Variants in DPP6 observed in about 807,000 individuals in gnomAD.
The protein encoded by DPP6 is dipeptidyl peptidase like 6, also known as A-type potassium channel modulatory protein DPP6.
A neutral mutation model predicts 122.6 loss-of-function variants in DPP6; 69 were observed. The ratio of observed to expected loss-of-function variants is 0.56; its 90% CI spans 0.46 to 0.69. The LOEUF is 0.69. DPP6 is among the 30% of genes least tolerant of loss of function. The pLI is 0.00. For missense variants in DPP6, 928 were observed against 1,116.9 expected (o/e 0.83, Z 2.41); for synonymous variants, 418 against 433.1 (o/e 0.97, Z 0.43).
In DPP6 at chr7:154,264,812, T is replaced by C. The variant is rs111860452; in HGVS notation, c.244-181402T>C. 2.0e-5 allele frequency among the ~76,000 whole-genome samples: 3 copies of C among 149,636 alleles called. No homozygotes were observed. In the East Asian group the frequency reaches 6.0e-4, roughly 30 times the overall value. On this transcript the variant is annotated intron_variant, in intron 1 of 25. Coordinates refer to ENST00000377770, the MANE Select transcript of DPP6 (RefSeq NM_130797.4). ...GGTGTTGATGCTGGTGATAATGGTG[T>C]TGATAATGATAGTGATAGTGATGAT...
chr7:154,872,789 A>G (rs1804507693), intron 19 of DPP6, 96 bp downstream of exon 19: 2 of 1,541,994 alleles, frequency 1.3e-6, no homozygotes, highest in African/African-American at 2.7e-5. Flanking sequence ...AAAGATAAGC[A>G]GGAGAAATGA....
At chr7:153,890,553 T>C (rs1370273188) in intron 1 of DPP6, among the ~76,000 whole-genome samples, 2 of 152,200 alleles carry the variant, frequency 1.3e-5, no homozygotes, top group Non-Finnish European at 2.9e-5. Flanking sequence ...TCCTCACATA[T>C]TGCTTTAGGA....
In DPP6 at chr7:154,624,581, A is replaced by G. The variant is rs376711681; in HGVS notation, c.628-13240A>G. The stretch of plus-strand genomic sequence containing the variant: ...CTCAGCATCTGCTTCCGAAGTTGTC[A>G]CCAGGCATTTGTTCAGGGCATGTGG... On this transcript the variant is annotated intron_variant, in intron 5 of 25. Coordinates refer to ENST00000377770, the MANE Select transcript of DPP6 (RefSeq NM_130797.4). The surrounding 1 kb of genome is among the most constrained non-coding windows in gnomAD (Gnocchi z 4.7). 5.8e-4 allele frequency among the ~76,000 whole-genome samples: 89 copies of G among 152,316 alleles called. 3 individuals are homozygous for G. The South Asian group carries it at 0.017, about 29-fold the overall frequency.
At chr7:154,131,843 C>T (rs1795299951) in intron 1 of DPP6, among the ~76,000 whole-genome samples, 1 of 152,142 alleles carries the variant, frequency 6.6e-6, no homozygotes, top group African/African-American at 2.4e-5. Context: ...TGAAACTCAA[C>T]ATAAATTCTA....
chr7:154,421,081 A>G (rs569425703), intron 1 of DPP6, among the ~76,000 whole-genome samples: 2 of 152,320 alleles, frequency 1.3e-5, no homozygotes, highest in Admixed American at 1.3e-4. Flanking sequence ...GAGTCTCCCA[A>G]TTACTAAGTG....
At chr7:154,584,280 T>C (rs1832284128) in intron 5 of DPP6, among the ~76,000 whole-genome samples, 1 of 152,172 alleles carries the variant, frequency 6.6e-6, no homozygotes, top group African/African-American at 2.4e-5. Flanking sequence ...AGCACCTGCC[T>C]CCTCCACTGA....
intron 1 of DPP6, among the ~76,000 whole-genome samples, chr7:154,422,018 T>G (rs1305460465): frequency 6.6e-6 from 1 of 152,212 alleles, no homozygotes; most frequent in African/African-American, 2.4e-5. Context: ...CAGGAAAACG[T>G]GGTGAAACAT....
chr7:154,406,431 A>T (rs1586180082), intron 1 of DPP6, among the ~76,000 whole-genome samples: 1 of 6,940 alleles, frequency 1.4e-4, no homozygotes, highest in Non-Finnish European at 5.2e-4. Context: ...ACACGCATGC[A>T]CACACACACA....
chr7:154,734,651 C>T (rs1013014724), intron 8 of DPP6, among the ~76,000 whole-genome samples: 6 of 152,194 alleles, frequency 3.9e-5, no homozygotes, highest in African/African-American at 1.4e-4. Flanking sequence ...TAGACAAGGA[C>T]ATCACTCTCA....
intron 1 of DPP6, among the ~76,000 whole-genome samples, chr7:154,218,119 T>A (rs995933788): frequency 7.2e-5 from 11 of 152,222 alleles, no homozygotes; most frequent in Admixed American, 6.5e-4. Flanking sequence ...TTTTATCAGC[T>A]GTGCATGTGC....
intron 5 of DPP6, chr7:154,588,047 G>T: frequency 6.2e-7 from 1 of 1,609,208 alleles, no homozygotes. Flanking sequence ...ATGCACAGCA[G>T]CTACAGGCAG....
the DPP6 span, among the ~76,000 whole-genome samples, chr7:153,835,814 G>A: frequency 1.3e-5 from 2 of 152,186 alleles, no homozygotes; most frequent in Non-Finnish European, 2.9e-5. Flanking sequence ...GCAGAAAGCT[G>A]CTTACTGGCC....
intron 1 of DPP6, among the ~76,000 whole-genome samples, chr7:153,888,366 G>A (rs1004778901): frequency 2.0e-5 from 3 of 152,220 alleles, no homozygotes; most frequent in African/African-American, 2.4e-5. Context: ...CTGGAAACGC[G>A]GCTGGTCCGC....
intron 3 of DPP6, among the ~76,000 whole-genome samples, chr7:154,494,995 G>A (rs1824605672): frequency 6.6e-6 from 1 of 152,200 alleles, no homozygotes; most frequent in African/African-American, 2.4e-5. Context: ...CTTAGAGAGA[G>A]TCTCGTGGAG....
chr7:154,176,457 T>A lies in DPP6; in HGVS notation c.243+123394T>A, dbSNP rs115223425. 8.1e-3 allele frequency among the ~76,000 whole-genome samples: 1,240 copies of A among 152,292 alleles called. 30 individuals are homozygous for A. Among genetic ancestry groups the A allele is most frequent in the African/African-American group, 0.028 (1,167 of 41,564 alleles). On this transcript the variant is annotated intron_variant, in intron 1 of 25. Coordinates refer to ENST00000377770, the MANE Select transcript of DPP6 (RefSeq NM_130797.4). Reference sequence around the variant, plus strand: ...GACCATCGTTTAAAAAAATTAGAAGTGCATAGGAAAGAAAAGGTAATGTTA... The same window carrying A: ...GACCATCGTTTAAAAAAATTAGAAGAGCATAGGAAAGAAAAGGTAATGTTA...
intron 1 of DPP6, among the ~76,000 whole-genome samples, chr7:153,939,178 G>A (rs1389599273): frequency 2.6e-4 from 40 of 152,040 alleles, no homozygotes; most frequent in Admixed American, 2.6e-3. Context: ...TTACCTTAGC[G>A]ATAGTACTGT....
intron 5 of DPP6, among the ~76,000 whole-genome samples, chr7:154,633,963 C>T (rs1214708708): frequency 6.6e-6 from 1 of 150,434 alleles, no homozygotes; most frequent in Non-Finnish European, 1.5e-5. Context: ...CAGGTTTTCT[C>T]TATTTCTTGA....
At chr7:153,836,605 G>A in the DPP6 span, among the ~76,000 whole-genome samples, 1 of 152,166 alleles carries the variant, frequency 6.6e-6, no homozygotes, top group Non-Finnish European at 1.5e-5. Flanking sequence ...TTCTCAGTTT[G>A]TAGAAACATA....
chr7:154,848,108 A>G (rs889106084), intron 16 of DPP6, among the ~76,000 whole-genome samples: 1 of 152,200 alleles, frequency 6.6e-6, no homozygotes, highest in Non-Finnish European at 1.5e-5. Context: ...CTGGACTGTT[A>G]TGAATAGTGC....
Sources: allele counts gnomAD v4.1 joint callset (sites outside exome capture counted in the v4.1 genomes callset), GRCh38; gene constraint gnomAD v4.1.1; non-coding constraint Gnocchi (gnomAD v3.1); transcripts MANE v1.5; gene names NCBI Gene and HGNC (gene_info 2026-07-23, HGNC 2026-07-21).